The following SORBS2 variants were observed in gnomAD, a reference collection of about 807,000 sequenced individuals.
SORBS2 encodes sorbin and SH3 domain containing 2.
A neutral mutation model predicts 97.7 loss-of-function variants in SORBS2; 46 were observed. The observed-to-expected ratio is 0.47, with a 90% CI of 0.37 to 0.60. The LOEUF is 0.60. SORBS2 is among the 20% of genes least tolerant of loss of function. The pLI is 0.00. For synonymous variants in SORBS2, 476 were observed against 473.4 expected, an observed-to-expected ratio of 1.01 and a Z score of -0.07; for missense variants, 1,316 against 1,282.3, an observed-to-expected ratio of 1.03 and a Z score of -0.40.
intron 1 of SORBS2, among the ~76,000 whole-genome samples, chr4:185,934,618 A>G (rs887689206): frequency 6.6e-5 from 10 of 151,800 alleles, no homozygotes; most frequent in Admixed American, 5.9e-4. Flanking sequence ...AAAAACAACA[A>G]CAACAACAAC....
rs925651050 is a variant in SORBS2, at chr4:185,938,663, G to T, written c.-338+17533C>A. Among the ~76,000 whole-genome samples, 77 of 151,660 alleles carry T rather than the reference G, an allele frequency of 5.1e-4. 1 individual carries two copies. The highest frequency in any genetic ancestry group is 2.0e-4 in the Admixed American group (3 of 15,228). On this transcript the variant is annotated intron_variant, in intron 1 of 20. Transcript: ENST00000284776. ...ATCCTAGTATCTACACTCTGGTTAC[G>T]TTCCACCTCCCCGAGAACCCCAGTG...
chr4:185,648,151 G>T (rs1014672986), intron 3 of SORBS2, among the ~76,000 whole-genome samples: 1 of 151,342 alleles, frequency 6.6e-6, no homozygotes, highest in Non-Finnish European at 1.5e-5. Context: ...TAGTGAAGAT[G>T]GGATTTCGCC....
intron 1 of SORBS2, among the ~76,000 whole-genome samples, chr4:185,951,128 G>A (rs1187278365): frequency 2.0e-5 from 3 of 152,122 alleles, no homozygotes; most frequent in Non-Finnish European, 4.4e-5. Context: ...GTTTTTCATT[G>A]CCTGCCTTAA....
At chr4:185,768,159 A>T (rs899560039) in intron 2 of SORBS2, among the ~76,000 whole-genome samples, 3 of 152,094 alleles carry the variant, frequency 2.0e-5, no homozygotes, top group Non-Finnish European at 4.4e-5. Context: ...ATCCAGGTGT[A>T]TGTGCCCAGC....
chr4:185,586,502 A>ATAAT (rs2095802627), exon 15 of SORBS2: 1 of 152,650 alleles, frequency 6.6e-6, no homozygotes, highest in South Asian at 2.1e-4. Context: ...TATAGTAAAA[A>ATAAT]TAATTGTAGT....
intron 2 of SORBS2, among the ~76,000 whole-genome samples, chr4:185,726,773 G>C (rs2098557042): frequency 1.3e-5 from 2 of 152,028 alleles, no homozygotes; most frequent in Non-Finnish European, 2.9e-5. Flanking sequence ...TATAGAAACA[G>C]ATGAAGGAAA....
chr4:185,817,605 C>G (rs536421486), intron 1 of SORBS2, among the ~76,000 whole-genome samples: 1 of 152,322 alleles, frequency 6.6e-6, no homozygotes, highest in South Asian at 2.1e-4. Context: ...CCACCCTACC[C>G]AGTGCAGAAA....
intron 8 of SORBS2, among the ~76,000 whole-genome samples, chr4:185,619,847 G>T (rs2096688217): frequency 6.6e-6 from 1 of 152,186 alleles, no homozygotes; most frequent in Admixed American, 6.5e-5. Context: ...CCAAAACTGG[G>T]CCACCACTAG....
chr4:185,597,417 G>T lies in SORBS2; in HGVS notation c.2797-3482C>A, dbSNP rs1385341292. 4.6e-5 allele frequency among the ~76,000 whole-genome samples: 7 copies of T among 151,912 alleles called. No homozygotes were observed. In the East Asian group the frequency reaches 7.7e-4, roughly 17 times the overall value. On this transcript the variant is annotated intron_variant, in intron 12 of 14. Coordinates refer to ENST00000418609, the Ensembl canonical transcript of SORBS2. ...TGATTGGTTAATTCTCATGTGTCTC[G>T]GTCACGTAAAAAAAAATAATGGTTA... is the stretch of plus-strand genomic sequence containing the variant.
intron 11 of SORBS2, among the ~76,000 whole-genome samples, chr4:185,613,504 CGGG>C (rs891709171): frequency 2.1e-5 from 3 of 142,974 alleles, no homozygotes; most frequent in African/African-American, 5.4e-5. Flanking sequence ...AAAAATTAGC[CGGG>C]TGTGGTGGCG....
chr4:185,909,999 A>G (rs2099254033), intron 1 of SORBS2, among the ~76,000 whole-genome samples: 1 of 151,836 alleles, frequency 6.6e-6, no homozygotes, highest in South Asian at 2.1e-4. Flanking sequence ...AAAAAAAAAA[A>G]AAAAAGAAAA....
At chr4:185,653,860 A>G (rs1195903028) in intron 1 of SORBS2, among the ~76,000 whole-genome samples, 1 of 152,214 alleles carries the variant, frequency 6.6e-6, no homozygotes, top group Non-Finnish European at 1.5e-5. Flanking sequence ...GATTCTGCTT[A>G]TAGTAACTAA....
chr4:185,746,034 A>G (rs1455717952), intron 2 of SORBS2, among the ~76,000 whole-genome samples: 1 of 152,210 alleles, frequency 6.6e-6, no homozygotes, highest in Non-Finnish European at 1.5e-5. Context: ...TAATAGAGGG[A>G]ATAACAAAGT....
intron 2 of SORBS2, among the ~76,000 whole-genome samples, chr4:185,723,380 T>C (rs2098531369): frequency 6.6e-6 from 1 of 152,222 alleles, no homozygotes; most frequent in South Asian, 2.1e-4. Context: ...TCATGGATCA[T>C]ATAGAACAGG....
chr4:185,586,761 ACTTAC>A (rs2095805168), exon 15 of SORBS2: 1 of 152,376 alleles, frequency 6.6e-6, no homozygotes. Flanking sequence ...CACTGCTTTT[ACTTAC>A]ATTTTTTCAG....
At chr4:185,908,357 A>ATATATATTTG (rs2099252834) in intron 1 of SORBS2, among the ~76,000 whole-genome samples, 1 of 145,970 alleles carries the variant, frequency 6.9e-6, no homozygotes, top group Non-Finnish European at 1.5e-5. Flanking sequence ...ATACACATAT[A>ATATATATTTG]TATACATGTA....
At chr4:185,932,632 T>G (rs1189607450) in intron 1 of SORBS2, among the ~76,000 whole-genome samples, 6 of 152,192 alleles carry the variant, frequency 3.9e-5, no homozygotes, top group Non-Finnish European at 8.8e-5. Context: ...GTTGCCGGAA[T>G]GCAATGTCAC....
At chr4:185,815,928 T>G (rs528973762) in intron 1 of SORBS2, among the ~76,000 whole-genome samples, 2 of 152,352 alleles carry the variant, frequency 1.3e-5, no homozygotes, top group African/African-American at 4.8e-5. Flanking sequence ...ATAAAAATAG[T>G]GTTTAGAATA....
intron 2 of SORBS2, among the ~76,000 whole-genome samples, chr4:185,704,090 C>T (rs2098304533): frequency 6.6e-6 from 1 of 152,154 alleles, no homozygotes; most frequent in Non-Finnish European, 1.5e-5. Context: ...TAGCACTTTG[C>T]TTAAGAATCT....
Sources: gnomAD v4.1 joint callset for allele counts (sites outside exome capture counted in the v4.1 genomes callset) on GRCh38, gnomAD v4.1.1 for gene constraint, MANE v1.5 for transcripts, NCBI Gene and HGNC (gene_info 2026-07-23, HGNC 2026-07-21) for gene names.